Variants in MRPL48 observed in about 807,000 individuals in gnomAD.
MRPL48 encodes mitochondrial ribosomal protein L48.
In MRPL48, 16 loss-of-function variants were observed where a neutral mutation model predicts 32.9. That is an observed-to-expected ratio of 0.49 (90% CI 0.33 to 0.74). The LOEUF (loss-of-function observed/expected upper bound fraction) is 0.74, where lower values mean the gene tolerates loss of function less well. Among genes scored for constraint, MRPL48 ranks in the 30% least tolerant of loss-of-function variants. The pLI is 0.02. For synonymous variants in MRPL48, 94 were observed against 89.2 expected (o/e 1.05, Z -0.31); for missense variants, 206 against 245.3 (o/e 0.84, Z 1.07).
At chr11:73,822,611 C>T (rs998938591) in intron 3 of MRPL48, among the ~76,000 whole-genome samples, 2 of 152,176 alleles carry the variant, frequency 1.3e-5, no homozygotes, top group Non-Finnish European at 2.9e-5. Flanking sequence ...CCAGTACTAT[C>T]TCTGATAGGC....
intron 5 of MRPL48, 166 bp downstream of exon 5, chr11:73,845,142 G>T (rs1948266342): frequency 3.1e-6 from 2 of 639,088 alleles, no homozygotes; most frequent in African/African-American, 3.8e-5. Flanking sequence ...AACCTGAAAA[G>T]TTCTTTGGTG....
intron 2 of MRPL48, among the ~76,000 whole-genome samples, chr11:73,807,367 C>G (rs1345847326): frequency 1.4e-5 from 2 of 145,438 alleles, no homozygotes; most frequent in African/African-American, 5.3e-5. Flanking sequence ...GGGCTTTCTC[C>G]CTTTATTTCC....
chr11:73,815,567 C>G (rs747148364), intron 3 of MRPL48, among the ~76,000 whole-genome samples: 3 of 152,058 alleles, frequency 2.0e-5, no homozygotes, highest in Non-Finnish European at 4.4e-5. Flanking sequence ...CAGCTCACCG[C>G]AGTCTTGAGC....
At chr11:73,862,888 C>T (rs1359215528) in intron 6 of MRPL48, among the ~76,000 whole-genome samples, 1 of 152,206 alleles carries the variant, frequency 6.6e-6, no homozygotes, top group African/African-American at 2.4e-5. Context: ...TACTGCGCTC[C>T]AGCCTGGGCA....
intron 3 of MRPL48, among the ~76,000 whole-genome samples, chr11:73,822,530 G>C (rs1947801892): frequency 6.6e-6 from 1 of 152,168 alleles, no homozygotes; most frequent in African/African-American, 2.4e-5. Context: ...TATCGTGGAA[G>C]GGATCCATGA....
intron 4 of MRPL48, among the ~76,000 whole-genome samples, chr11:73,827,302 T>C (rs1229705805): frequency 5.9e-5 from 9 of 152,076 alleles, no homozygotes; most frequent in African/African-American, 2.2e-4. Flanking sequence ...GAGAATCACT[T>C]GATCCCAGGA....
intron 4 of MRPL48, among the ~76,000 whole-genome samples, chr11:73,835,891 C>T (rs1192622086): frequency 6.6e-6 from 1 of 152,094 alleles, no homozygotes; most frequent in African/African-American, 2.4e-5. Flanking sequence ...GAGTGAGACT[C>T]TGTCTCAAAA....
At chr11:73,831,467 A>G (rs557783286) in intron 4 of MRPL48, among the ~76,000 whole-genome samples, 1 of 152,026 alleles carries the variant, frequency 6.6e-6, no homozygotes, top group South Asian at 2.1e-4. Flanking sequence ...TTTTTTCTCT[A>G]TGGTGCTCAT....
chr11:73,794,130 C>T (rs368513610), intron 1 of MRPL48, among the ~76,000 whole-genome samples: 1 of 151,282 alleles, frequency 6.6e-6, no homozygotes, highest in Non-Finnish European at 1.5e-5. Flanking sequence ...AAGGCTGCAG[C>T]GAGCTCTGTG....
intron 5 of MRPL48, 101 bp downstream of exon 5, chr11:73,845,077 T>A: frequency 5.9e-6 from 7 of 1,183,176 alleles, no homozygotes; most frequent in Non-Finnish European, 7.0e-6. Flanking sequence ...TGTAGTAAAA[T>A]TAACTCTTTT....
chr11:73,862,382 A>G (rs1288087046), intron 6 of MRPL48, among the ~76,000 whole-genome samples: 1 of 152,106 alleles, frequency 6.6e-6, no homozygotes, highest in African/African-American at 2.4e-5. Context: ...AGATTGCACC[A>G]TTGCACTCCA....
At chr11:73,803,907 T>A (rs1312373271) in intron 1 of MRPL48, among the ~76,000 whole-genome samples, 2 of 152,188 alleles carry the variant, frequency 1.3e-5, no homozygotes, top group East Asian at 3.9e-4. Context: ...TGTCATTTTT[T>A]AATTTTATTT....
intron 1 of MRPL48, among the ~76,000 whole-genome samples, chr11:73,799,617 G>A (rs529349772): frequency 6.6e-6 from 1 of 152,130 alleles, no homozygotes; most frequent in Admixed American, 6.5e-5. Context: ...ATAGGCACTG[G>A]AGACTTGGAA....
chr11:73,823,018 A>C, intron 3 of MRPL48: 2 of 452,500 alleles, frequency 4.4e-6, no homozygotes, highest in South Asian at 3.1e-5. Context: ...CCCAGATGGG[A>C]CTGTCTAGTT....
intron 5 of MRPL48, among the ~76,000 whole-genome samples, chr11:73,856,544 A>G (rs1948484488): frequency 1.3e-5 from 2 of 152,172 alleles, no homozygotes; most frequent in African/African-American, 4.8e-5. Flanking sequence ...TGGAAATCTC[A>G]CTCATCTGGG....
chr11:73,840,649 GC>G (rs1948171849), intron 4 of MRPL48, among the ~76,000 whole-genome samples: 1 of 152,048 alleles, frequency 6.6e-6, no homozygotes, highest in East Asian at 1.9e-4. Flanking sequence ...ACAGGCACCC[GC>G]CACCACGCCC....
chr11:73,809,410 A>G (rs866874854), intron 3 of MRPL48, among the ~76,000 whole-genome samples: 14 of 151,894 alleles, frequency 9.2e-5, no homozygotes, highest in Admixed American at 4.6e-4. Context: ...AGGCTGAGGC[A>G]GGAGAATTGT....
At position 73,864,440 on chromosome 11, in the gene MRPL48, A is replaced by G; in HGVS notation, c.*70A>G. The stretch of plus-strand genomic sequence containing the variant: ...AAAGAGAAGAGCTTACTGGGTAGTT[A>G]GAGTTCATCAGGAGACCCAACCCTT... On this transcript the variant is annotated 3_prime_UTR_variant, in exon 8 of 8. Coordinates refer to ENST00000310614, the MANE Select transcript of MRPL48 (RefSeq NM_016055.6). The G allele has an allele frequency of 1.4e-6, 2 of 1,480,252 alleles. No homozygotes were observed. Among genetic ancestry groups the G allele is most frequent in the Non-Finnish European group, 1.9e-6 (2 of 1,069,334 alleles). 91.7% of individuals were successfully genotyped at this position (1,480,252 alleles called of 1,614,324 possible).
At chr11:73,831,475 C>T (rs894158331) in intron 4 of MRPL48, among the ~76,000 whole-genome samples, 1 of 152,158 alleles carries the variant, frequency 6.6e-6, no homozygotes, top group Non-Finnish European at 1.5e-5. Context: ...CTATGGTGCT[C>T]ATCCTGTAAG....
Sources: allele counts gnomAD v4.1 joint callset (sites outside exome capture counted in the v4.1 genomes callset), GRCh38; gene constraint gnomAD v4.1.1; transcripts MANE v1.5; gene names NCBI Gene and HGNC (gene_info 2026-07-23, HGNC 2026-07-21).